Variants in EXOC6B observed in about 807,000 individuals in gnomAD.
EXOC6B encodes exocyst complex component 6B, also known as SEC15 homolog B.
Under a neutral mutation model 113.5 loss-of-function variants are expected in EXOC6B, and 54 were observed. The ratio of observed to expected loss-of-function variants is 0.48; its 90% CI spans 0.38 to 0.60. The LOEUF is 0.60. Ranked by LOEUF, EXOC6B falls within the 20% of genes least tolerant of loss-of-function variation. The pLI, the probability that EXOC6B is intolerant of heterozygous loss-of-function variation, is 0.00. For missense variants in EXOC6B, 797 were observed against 977.5 expected (o/e 0.82, Z 2.46); for synonymous variants, 357 against 339.0 (o/e 1.05, Z -0.58).
intron 1 of EXOC6B, among the ~76,000 whole-genome samples, chr2:72,773,412 G>T (rs1683517093): frequency 6.7e-6 from 1 of 148,190 alleles, no homozygotes; most frequent in African/African-American, 2.5e-5. Context: ...TTACAGGTAT[G>T]AGCCACCATA....
intron 2 of EXOC6B, among the ~76,000 whole-genome samples, chr2:72,735,888 G>A (rs369797667): frequency 3.3e-5 from 5 of 149,978 alleles, no homozygotes; most frequent in East Asian, 2.0e-4. Context: ...ATTTCAATGC[G>A]TAACAATAAA....
At chr2:72,526,617 C>T (rs1416856577) in intron 8 of EXOC6B, among the ~76,000 whole-genome samples, 2 of 151,858 alleles carry the variant, frequency 1.3e-5, no homozygotes, top group African/African-American at 4.8e-5. Context: ...TCACTCCCCT[C>T]ATTAACAGAA....
At chr2:72,767,493 T>C (rs1683132644) in intron 1 of EXOC6B, among the ~76,000 whole-genome samples, 1 of 151,828 alleles carries the variant, frequency 6.6e-6, no homozygotes, top group Non-Finnish European at 1.5e-5. Context: ...ATGTGTTATG[T>C]TTGTTGACAT....
At chr2:72,339,449 A>G (rs563347089) in intron 19 of EXOC6B, among the ~76,000 whole-genome samples, 30 of 152,286 alleles carry the variant, frequency 2.0e-4, no homozygotes, top group East Asian at 1.9e-4. Context: ...GCTCCACTCA[A>G]TGCAGAACCA....
intron 18 of EXOC6B, among the ~76,000 whole-genome samples, chr2:72,419,350 A>G (rs1408362611): frequency 6.6e-6 from 1 of 152,196 alleles, no homozygotes; most frequent in Admixed American, 6.5e-5. Context: ...TCTCATTACA[A>G]TAATAACAGC....
intron 18 of EXOC6B, among the ~76,000 whole-genome samples, chr2:72,442,878 G>GA (rs1696294809): frequency 6.6e-6 from 1 of 152,080 alleles, no homozygotes; most frequent in Non-Finnish European, 1.5e-5. Flanking sequence ...CACAGAACTA[G>GA]AAAAAACTAT....
At chr2:72,607,792 A>T (rs1160246937) in intron 6 of EXOC6B, among the ~76,000 whole-genome samples, 1 of 152,150 alleles carries the variant, frequency 6.6e-6, no homozygotes, top group East Asian at 1.9e-4. Flanking sequence ...AACAGATATG[A>T]CTTCAGTAGG....
intron 6 of EXOC6B, among the ~76,000 whole-genome samples, chr2:72,651,837 TCTC>T (rs1206123219): frequency 6.6e-6 from 1 of 152,094 alleles, no homozygotes; most frequent in Non-Finnish European, 1.5e-5. Context: ...GTGGTCTCGA[TCTC>T]CTGACCTTGT....
chr2:72,211,204 T>C (rs1680167586), intron 20 of EXOC6B, among the ~76,000 whole-genome samples: 2 of 152,228 alleles, frequency 1.3e-5, no homozygotes, highest in Non-Finnish European at 2.9e-5. Context: ...AGTGACGTAC[T>C]GACAGGTGAT....
chr2:72,482,596 C>T (rs1379118688), intron 16 of EXOC6B, among the ~76,000 whole-genome samples: 1 of 151,978 alleles, frequency 6.6e-6, no homozygotes, highest in South Asian at 2.1e-4. Context: ...TTCAAAACAA[C>T]GTTAAAAAGT....
At chr2:72,312,814 AC>A (rs55801321) in intron 20 of EXOC6B, among the ~76,000 whole-genome samples, 7,352 of 146,440 alleles carry the variant, frequency 0.05, 239 homozygotes, top group Non-Finnish European at 0.077. Context: ...AAAAAAAAAA[AC>A]AAAAAACAAA....
intron 18 of EXOC6B, among the ~76,000 whole-genome samples, chr2:72,437,127 T>A (rs920306296): frequency 6.6e-6 from 1 of 152,240 alleles, no homozygotes; most frequent in East Asian, 1.9e-4. Flanking sequence ...TTTTTCTTTG[T>A]TAGTTTTCCT....
rs572235160 is a variant in EXOC6B, at chr2:72,716,515, T to C, written c.669+1588A>G. Among the ~76,000 whole-genome samples the C allele has an allele frequency of 2.6e-5, 4 of 152,254 alleles. No homozygotes were observed. The East Asian group carries it at 7.7e-4, about 29-fold the overall frequency. On this transcript the variant is annotated intron_variant, in intron 6 of 21. Transcript: ENST00000272427. The stretch of plus-strand genomic sequence containing the variant: ...GAGATGAAATATTTTATAGGAGAAA[T>C]GAAGATTTCTCAGTTAATTAAAAGT...
chr2:72,535,684 C>T (rs1433665460), intron 8 of EXOC6B, among the ~76,000 whole-genome samples: 2 of 151,772 alleles, frequency 1.3e-5, no homozygotes, highest in African/African-American at 2.4e-5. Context: ...ACCAGCCTGA[C>T]CAACATAGAG....
At chr2:72,806,699 T>C (rs1343898262) in intron 1 of EXOC6B, among the ~76,000 whole-genome samples, 1 of 151,502 alleles carries the variant, frequency 6.6e-6, no homozygotes, top group Non-Finnish European at 1.5e-5. Flanking sequence ...CATCTATCAT[T>C]TTCTGACTTT....
At chr2:72,412,803 A>AT (rs886723164) in intron 18 of EXOC6B, among the ~76,000 whole-genome samples, 1 of 152,180 alleles carries the variant, frequency 6.6e-6, no homozygotes, top group African/African-American at 2.4e-5. Flanking sequence ...CCAGCTCATC[A>AT]TCACCTTTTT....
At chr2:72,570,921 T>C (rs1328907854) in intron 7 of EXOC6B, among the ~76,000 whole-genome samples, 1 of 152,218 alleles carries the variant, frequency 6.6e-6, no homozygotes, top group Non-Finnish European at 1.5e-5. Context: ...AACTATTATA[T>C]ACTGATAGTC....
intron 8 of EXOC6B, chr2:72,515,676 C>T (rs1015720047): frequency 5.6e-5 from 55 of 988,142 alleles, no homozygotes; most frequent in Non-Finnish European, 6.2e-5. Context: ...CCCCACTTTT[C>T]GTTTAGGGTT....
chr2:72,621,070 G>A (rs1671713045), intron 6 of EXOC6B, among the ~76,000 whole-genome samples: 1 of 152,146 alleles, frequency 6.6e-6, no homozygotes, highest in South Asian at 2.1e-4. Context: ...TAAATTAGTT[G>A]AGCCACTGTG....
Sources: gnomAD v4.1 joint callset for allele counts (sites outside exome capture counted in the v4.1 genomes callset) on GRCh38, gnomAD v4.1.1 for gene constraint, MANE v1.5 for transcripts, NCBI Gene and HGNC (gene_info 2026-07-23, HGNC 2026-07-21) for gene names.